The following GABBR2 variants were observed in gnomAD, a reference collection of about 807,000 sequenced individuals.
GABBR2 encodes the protein G-protein coupled receptor 51.
In GABBR2, 23 loss-of-function variants were observed where a neutral mutation model predicts 105.6. The observed-to-expected ratio is 0.22, with a 90% CI of 0.16 to 0.31. GABBR2 has a LOEUF of 0.31. Ranked by LOEUF, GABBR2 falls within the 10% of genes least tolerant of loss-of-function variation. The pLI is 1.00. For synonymous variants in GABBR2, 478 were observed against 499.7 expected (o/e 0.96, Z 0.58); for missense variants, 734 against 1,245.5 (o/e 0.59, Z 6.18).
intron 1 of GABBR2, among the ~76,000 whole-genome samples, chr9:98,667,637 T>C (rs1036898430): frequency 1.3e-5 from 2 of 152,178 alleles, no homozygotes; most frequent in Non-Finnish European, 1.5e-5. Flanking sequence ...GCTGCAACTG[T>C]GTGCTGTGTG....
chr9:98,325,314 CAG>C (rs1830903573), intron 13 of GABBR2, among the ~76,000 whole-genome samples: 1 of 94,856 alleles, frequency 1.1e-5, no homozygotes, highest in Non-Finnish European at 1.9e-5. Flanking sequence ...TTTTTTGAGA[CAG>C]AGTCTTGCTC....
At chr9:98,307,220 C>G (rs559619779) in intron 14 of GABBR2, among the ~76,000 whole-genome samples, 2 of 152,292 alleles carry the variant, frequency 1.3e-5, no homozygotes, top group Non-Finnish European at 2.9e-5. Context: ...ACTTGCAGCT[C>G]TACTCCTAAC....
chr9:98,438,770 A>C (rs1825978570), intron 7 of GABBR2, among the ~76,000 whole-genome samples: 1 of 152,164 alleles, frequency 6.6e-6, no homozygotes, highest in Non-Finnish European at 1.5e-5. Context: ...TTAAACAAAA[A>C]GGCTATTAAC....
chr9:98,359,658 A>G (rs2131440146), intron 13 of GABBR2, among the ~76,000 whole-genome samples: 1 of 152,194 alleles, frequency 6.6e-6, no homozygotes, highest in African/African-American at 2.4e-5. Context: ...AGTGATCTGA[A>G]GTGATACGGT....
chr9:98,469,743 A>G (rs1335502950), intron 6 of GABBR2, among the ~76,000 whole-genome samples: 1 of 152,186 alleles, frequency 6.6e-6, no homozygotes, highest in Non-Finnish European at 1.5e-5. Context: ...CACTTTCGTG[A>G]TCTTGGGATG....
At chr9:98,448,068 C>CTG (rs1826168117) in intron 7 of GABBR2, among the ~76,000 whole-genome samples, 1 of 152,056 alleles carries the variant, frequency 6.6e-6, no homozygotes, top group African/African-American at 2.4e-5. Context: ...GGGTGCCAGC[C>CTG]TGTCCTGACA....
chr9:98,372,178 A>C (rs2131463950), intron 11 of GABBR2, among the ~76,000 whole-genome samples: 1 of 152,244 alleles, frequency 6.6e-6, no homozygotes, highest in East Asian at 1.9e-4. Context: ...CCCTGACAGG[A>C]GCCTACAACT....
At chr9:98,670,894 T>C (rs1465473974) in intron 1 of GABBR2, among the ~76,000 whole-genome samples, 2 of 152,184 alleles carry the variant, frequency 1.3e-5, no homozygotes, top group Admixed American at 6.5e-5. Flanking sequence ...GAAAGAGTTA[T>C]GGACATGGGT....
chr9:98,319,809 G>C (rs1588099037), intron 13 of GABBR2, among the ~76,000 whole-genome samples: 1 of 152,124 alleles, frequency 6.6e-6, no homozygotes, highest in African/African-American at 2.4e-5. Context: ...GATGCCCCCT[G>C]GGAGAGCCAT....
Position 98,447,298 on chromosome 9 carries a change from C to G in GABBR2, c.1236+6683G>C, listed in dbSNP as rs1248506090. Among the ~76,000 whole-genome samples, 3 of 113,190 alleles carry G rather than the reference C, an allele frequency of 2.7e-5. 1 individual carries two copies. The highest frequency in any genetic ancestry group is 5.9e-5 in the Non-Finnish European group (3 of 50,638). The allele number at this position is 113,190 out of a possible 152,430, so 74.3% of individuals were successfully genotyped here. ...CGGGATGGTCTCGATCTCCTGACCT[C>G]GTGATCCACCCGCCTCGGCCTCCCA... On this transcript the variant is annotated intron_variant, in intron 7 of 18. Coordinates refer to ENST00000259455, the MANE Select transcript of GABBR2 (RefSeq NM_005458.8).
chr9:98,431,619 G>A (rs1484211891), intron 7 of GABBR2, among the ~76,000 whole-genome samples: 11 of 152,158 alleles, frequency 7.2e-5, no homozygotes, highest in Admixed American at 6.5e-4. Flanking sequence ...TGGCCTGGTG[G>A]TGGAGTTCCT....
chr9:98,586,589 C>T (rs12378482), intron 1 of GABBR2, among the ~76,000 whole-genome samples: 4,226 of 152,298 alleles, frequency 0.028, 72 homozygotes, highest in Non-Finnish European at 0.041. Context: ...AGTGAGCCAC[C>T]GTGCCAGCCC....
intron 13 of GABBR2, among the ~76,000 whole-genome samples, chr9:98,346,201 A>T (rs966331237): frequency 1.3e-5 from 2 of 152,200 alleles, no homozygotes; most frequent in South Asian, 2.1e-4. Flanking sequence ...ATTTCTTTGT[A>T]TCATGCAATG....
intron 6 of GABBR2, among the ~76,000 whole-genome samples, chr9:98,456,609 A>T (rs771043183): frequency 6.6e-6 from 1 of 152,192 alleles, no homozygotes; most frequent in Non-Finnish European, 1.5e-5. Flanking sequence ...TTTAGGCCTC[A>T]GTTTCTCTGT....
At chr9:98,604,054 G>A (rs1023530681) in intron 1 of GABBR2, among the ~76,000 whole-genome samples, 5 of 152,168 alleles carry the variant, frequency 3.3e-5, no homozygotes, top group Non-Finnish European at 7.3e-5. Context: ...AGACCCGCCC[G>A]GGCACAGGGT....
chr9:98,394,085 G>T, intron 9 of GABBR2, 90 bp downstream of exon 9: 1 of 892,234 alleles, frequency 1.1e-6, no homozygotes. Context: ...TGAAGCCAAG[G>T]ATGCTGAGCT....
At chr9:98,662,749 C>T (rs1034660213) in intron 1 of GABBR2, among the ~76,000 whole-genome samples, 10 of 152,192 alleles carry the variant, frequency 6.6e-5, no homozygotes, top group African/African-American at 2.4e-4. Flanking sequence ...CTAACACAGG[C>T]TAGGGTGTCA....
intron 2 of GABBR2, among the ~76,000 whole-genome samples, chr9:98,560,422 CACATACACACACACACACAT>C (rs775367386): frequency 7.8e-6 from 1 of 127,584 alleles, no homozygotes; most frequent in Non-Finnish European, 1.7e-5. Context: ...CACACATATA[CACATACACACACACACACAT>C]ACACACACAC....
At chr9:98,641,350 C>T (rs950018460) in intron 1 of GABBR2, among the ~76,000 whole-genome samples, 1 of 149,724 alleles carries the variant, frequency 6.7e-6, no homozygotes, top group Non-Finnish European at 1.5e-5. Context: ...GTTGGTCAGG[C>T]TGGTCTCGAA....
Sources: allele counts gnomAD v4.1 joint callset (sites outside exome capture counted in the v4.1 genomes callset), GRCh38; gene constraint gnomAD v4.1.1; transcripts MANE v1.5; gene names NCBI Gene and HGNC (gene_info 2026-07-23, HGNC 2026-07-21).